REDIC1: variants seen among roughly 807,000 people sequenced by gnomAD.
The protein encoded by REDIC1 is regulator of DNA class I crossover intermediates 1.
At chr12:39,714,608 G>A in the REDIC1 span, among the ~76,000 whole-genome samples, 4 of 151,882 alleles carry the variant, frequency 2.6e-5, no homozygotes, top group East Asian at 5.8e-4. Context: ...CCAAATGGTA[G>A]TTCTACTTTT....
the REDIC1 span, among the ~76,000 whole-genome samples, chr12:39,746,551 C>T: frequency 6.6e-6 from 1 of 152,222 alleles, no homozygotes; most frequent in African/African-American, 2.4e-5. Flanking sequence ...ACTTAAATGT[C>T]CCTGTCTGAC....
the REDIC1 span, among the ~76,000 whole-genome samples, chr12:39,705,808 A>G: frequency 6.6e-6 from 1 of 152,030 alleles, no homozygotes; most frequent in African/African-American, 2.4e-5. Context: ...AAGGAACATA[A>G]CTCAATATAA....
At chr12:39,820,973 C>T in the REDIC1 span, among the ~76,000 whole-genome samples, 3 of 151,954 alleles carry the variant, frequency 2.0e-5, no homozygotes, top group African/African-American at 7.3e-5. Context: ...TCTCTACTTC[C>T]TACTGCAGTG....
At chr12:39,646,185 A>C in the REDIC1 span, 3 of 289,708 alleles carry the variant, frequency 1.0e-5, no homozygotes, top group African/African-American at 2.2e-5. Flanking sequence ...TATTGTAATG[A>C]TTTATTTTAG....
At chr12:39,733,152 A>T in the REDIC1 span, among the ~76,000 whole-genome samples, 6 of 152,204 alleles carry the variant, frequency 3.9e-5, no homozygotes, top group Non-Finnish European at 5.9e-5. Flanking sequence ...TTCAAAACAA[A>T]TTAAAGAAAA....
the REDIC1 span, among the ~76,000 whole-genome samples, chr12:39,713,922 T>G: frequency 6.7e-6 from 1 of 148,532 alleles, no homozygotes; most frequent in Non-Finnish European, 1.5e-5. Flanking sequence ...TATATGTATA[T>G]ATTAAATTAT....
chr12:39,853,108 A>G, the REDIC1 span, among the ~76,000 whole-genome samples: 2 of 152,144 alleles, frequency 1.3e-5, no homozygotes, highest in African/African-American at 4.8e-5. Context: ...TCAAAACGCC[A>G]AGAACCTGGA....
the REDIC1 span, among the ~76,000 whole-genome samples, chr12:39,812,362 CTTTTCTTTTCTTTTCT>C: frequency 2.7e-5 from 4 of 145,768 alleles, no homozygotes; most frequent in Non-Finnish European, 4.5e-5. Flanking sequence ...CTTTTCTTTT[CTTTTCTTTTCTTTTCT>C]TTTCTTTCTT....
the REDIC1 span, among the ~76,000 whole-genome samples, chr12:39,631,251 G>C: frequency 2.0e-5 from 3 of 151,968 alleles, no homozygotes; most frequent in East Asian, 5.8e-4. Flanking sequence ...AAAAACAGTT[G>C]GAAATTTTTA....
chr12:39,717,483 C>T, the REDIC1 span, among the ~76,000 whole-genome samples: 1 of 151,966 alleles, frequency 6.6e-6, no homozygotes, highest in African/African-American at 2.4e-5. Flanking sequence ...TAATCCTCAT[C>T]ATCTTCATGT....
At chr12:39,852,555 A>C in the REDIC1 span, among the ~76,000 whole-genome samples, 1 of 152,156 alleles carries the variant, frequency 6.6e-6, no homozygotes, top group African/African-American at 2.4e-5. Flanking sequence ...TTTTTCTTGG[A>C]AGGTAACAAA....
At chr12:39,746,439 T>A in the REDIC1 span, among the ~76,000 whole-genome samples, 1 of 152,138 alleles carries the variant, frequency 6.6e-6, no homozygotes, top group Non-Finnish European at 1.5e-5. Flanking sequence ...AAGCTCGAAC[T>A]GGGTGGAGCC....
chr12:39,641,749 A>G, the REDIC1 span, among the ~76,000 whole-genome samples: 1 of 151,718 alleles, frequency 6.6e-6, no homozygotes, highest in South Asian at 2.1e-4. Context: ...AAAAAACCCA[A>G]TAATGTTAAT....
chr12:39,777,557 C>T, the REDIC1 span, among the ~76,000 whole-genome samples: 1 of 152,172 alleles, frequency 6.6e-6, no homozygotes, highest in Non-Finnish European at 1.5e-5. Flanking sequence ...TGTTTTCCTG[C>T]ACAAATGTTG....
the REDIC1 span, among the ~76,000 whole-genome samples, chr12:39,893,042 CATT>C: frequency 2.6e-5 from 4 of 152,060 alleles, no homozygotes; most frequent in African/African-American, 9.7e-5. Context: ...GATATTTTCA[CATT>C]ATTAAGAAGG....
chr12:39,907,919 G>A, the REDIC1 span: 123 of 151,352 alleles, frequency 8.1e-4, 3 homozygotes, highest in African/African-American at 2.9e-3. Flanking sequence ...TCTTTTTCCC[G>A]GCACTTTCCA....
chr12:39,837,716 T>G, the REDIC1 span, among the ~76,000 whole-genome samples: 1 of 152,112 alleles, frequency 6.6e-6, no homozygotes, highest in Non-Finnish European at 1.5e-5. Context: ...AAGACATTTA[T>G]ACAACCAAAA....
At chr12:39,780,209 C>T in the REDIC1 span, among the ~76,000 whole-genome samples, 6 of 151,798 alleles carry the variant, frequency 4.0e-5, no homozygotes, top group Non-Finnish European at 8.8e-5. Flanking sequence ...GCATATAAGT[C>T]TTTTTTAAAT....
At chr12:39,773,495 T>G in the REDIC1 span, among the ~76,000 whole-genome samples, 1 of 152,194 alleles carries the variant, frequency 6.6e-6, no homozygotes, top group South Asian at 2.1e-4. Context: ...CAAACCTAGT[T>G]CATACGTAGA....
Sources: gnomAD v4.1 joint callset for allele counts (sites outside exome capture counted in the v4.1 genomes callset) on GRCh38, gnomAD v4.1.1 for gene constraint, MANE v1.5 for transcripts, NCBI Gene and HGNC (gene_info 2026-07-23, HGNC 2026-07-21) for gene names.